CLCN1: variants seen among roughly 807,000 people sequenced by gnomAD.
CLCN1 encodes chloride voltage-gated channel 1.
Under a neutral mutation model 114.5 loss-of-function variants are expected in CLCN1, and 100 were observed. The ratio of observed to expected loss-of-function variants is 0.87; its 90% CI spans 0.74 to 1.03. The LOEUF (loss-of-function observed/expected upper bound fraction) is 1.03. Among genes scored for constraint, CLCN1 ranks in the 50% least tolerant of loss-of-function variants. CLCN1 has a pLI of 0.00. For synonymous variants in CLCN1, 485 were observed against 487.1 expected (o/e 1.00, Z 0.06); for missense variants, 1,188 against 1,250.0 (o/e 0.95, Z 0.75).
intron 12 of CLCN1, 99 bp downstream of exon 12, chr7:143,332,972 G>A: frequency 7.6e-7 from 1 of 1,311,188 alleles, no homozygotes; most frequent in Non-Finnish European, 1.1e-6. Flanking sequence ...ACTTCATTTG[G>A]TCTTCATCCA....
intron 14 of CLCN1, among the ~76,000 whole-genome samples, chr7:143,340,273 T>A (rs1271984381): frequency 6.6e-6 from 1 of 152,190 alleles, no homozygotes; most frequent in Non-Finnish European, 1.5e-5. Flanking sequence ...GCTGCTCCCC[T>A]GACATAGTTT....
intron 10 of CLCN1, among the ~76,000 whole-genome samples, 176 bp downstream of exon 10, chr7:143,331,828 A>AT (rs1554436646): frequency 1.3e-5 from 2 of 151,966 alleles, no homozygotes; most frequent in Non-Finnish European, 1.5e-5. Context: ...TTTAAAGATT[A>AT]TTTTTGTTTT....
Position 143,346,242 on chromosome 7 carries a change from G to A in CLCN1, c.2275G>A (p.Glu759Lys). Residue 759 changes from glutamate (E) to lysine (K), a missense_variant, in exon 18 of 23, where the codon GAG becomes AAG. By Grantham distance (56) the Glu-to-Lys change is moderately conservative (BLOSUM62 1). Transcript: ENST00000343257. ...CCACAAACAGCAGCCGGAAGCACCA[G>A]AGCCTGCAGGTGACGCTCTTCCCTC... ...PGHKQQPEAP[E>K]PAGQRPSIFQ... The A allele has an allele frequency of 6.2e-7, 1 of 1,608,758 alleles. No homozygotes were observed. Among genetic ancestry groups the A allele is most frequent in the Non-Finnish European group, 8.5e-7 (1 of 1,175,560 alleles).
At chr7:143,351,476 T>C (rs1447620672) in intron 22 of CLCN1, 118 bp from the exon 23 acceptor site, 4 of 1,146,562 alleles carry the variant, frequency 3.5e-6, no homozygotes, top group Non-Finnish European at 5.0e-6. Flanking sequence ...TGCCACTCTA[T>C]ATCTTTCCTG....
chr7:143,336,066 A>G (rs923815866), intron 12 of CLCN1, among the ~76,000 whole-genome samples: 2 of 152,184 alleles, frequency 1.3e-5, no homozygotes, highest in African/African-American at 4.8e-5. Context: ...TTTTACAATG[A>G]GTATGAATAC....
intron 2 of CLCN1, 39 bp from the exon 3 acceptor site, chr7:143,320,606 TTTGTTTGTTTGTTTGTTTG>T (rs1261825849): frequency 7.2e-6 from 10 of 1,388,622 alleles, no homozygotes; most frequent in East Asian, 7.0e-5. Context: ...TATATATATT[TTTGTTTGTTTGTTTGTTTG>T]TTGTTTGTTT....
At chr7:143,343,480 CTT>C (rs1286811298) in intron 16 of CLCN1, among the ~76,000 whole-genome samples, 1 of 152,174 alleles carries the variant, frequency 6.6e-6, no homozygotes, top group Non-Finnish European at 1.5e-5. Flanking sequence ...CTTTGTTGCT[CTT>C]TGCATGTTTG....
At chr7:143,341,208 C>T (rs1312458161) in intron 14 of CLCN1, among the ~76,000 whole-genome samples, 3 of 150,854 alleles carry the variant, frequency 2.0e-5, no homozygotes, top group Non-Finnish European at 4.4e-5. Context: ...TAATTGTTGG[C>T]ATTAATACCT....
At chr7:143,332,584 C>A in intron 11 of CLCN1, 81 bp downstream of exon 11, 2 of 1,513,998 alleles carry the variant, frequency 1.3e-6, no homozygotes, top group Non-Finnish European at 1.8e-6. Context: ...TAGTTTTGTC[C>A]AAGGATAGAC....
intron 3 of CLCN1, 140 bp downstream of exon 3, chr7:143,320,935 T>C (rs1802413479): frequency 9.6e-7 from 1 of 1,044,892 alleles, no homozygotes; most frequent in Non-Finnish European, 1.5e-6. Flanking sequence ...CAGGTGGGAC[T>C]CCAGGCCCAG....
At chr7:143,323,802 G>A (rs1307569032) in intron 6 of CLCN1, 14 of 475,890 alleles carry the variant, frequency 2.9e-5, no homozygotes, top group Admixed American at 7.0e-5. Flanking sequence ...CTTGTCCCGC[G>A]TGCTTCTCTG....
intron 14 of CLCN1, among the ~76,000 whole-genome samples, chr7:143,341,057 G>A (rs951651948): frequency 4.6e-5 from 7 of 152,010 alleles, no homozygotes; most frequent in Non-Finnish European, 7.4e-5. Context: ...GACCCCTTTC[G>A]CTTTATAATT....
rs866081645 is a variant in CLCN1 at position 143,338,919 on chromosome 7, A to G, written c.1402-334A>G. 2.0e-5 allele frequency among the ~76,000 whole-genome samples: 3 copies of G among 152,214 alleles called. No homozygotes were observed. In the South Asian group the frequency reaches 6.2e-4, roughly 31 times the overall value. On this transcript the variant is annotated intron_variant, in intron 12 of 22. Transcript: ENST00000343257. ...AAACTTTCTGGACTAAATGGGTACA[A>G]TGGGCTGGGGCTCTTTTGGGGCAGA...
chr7:143,324,983 T>C lies in CLCN1; in HGVS notation c.853+491T>C, dbSNP rs2116843549. ...ATTTAGATTAATGGTAAGCTTTTAG[T>C]GTGGAATAGTTAGGAGAGTTTCAAA... is the stretch of plus-strand genomic sequence containing the variant. On this transcript the variant is annotated intron_variant, in intron 7 of 22. Coordinates refer to ENST00000343257, the MANE Select transcript of CLCN1 (RefSeq NM_000083.3). This position sits in a 1 kb window ranked among gnomAD's most constrained non-coding sequence, Gnocchi z 4.6. Among the ~76,000 whole-genome samples, 1 of 152,324 alleles carries C rather than the reference T, an allele frequency of 6.6e-6. No individual in the cohort carries two copies.
intron 20 of CLCN1, among the ~76,000 whole-genome samples, chr7:143,347,627 A>G (rs1803288525): frequency 1.1e-5 from 1 of 87,218 alleles, no homozygotes; most frequent in Non-Finnish European, 2.5e-5. Flanking sequence ...CCTCAAAAAA[A>G]AAAAAAAAAA....
In CLCN1 at chr7:143,351,667, C is replaced by T. The variant is rs756135571; in HGVS notation, c.2669C>T (p.Thr890Met). ...CCTCCCCTTGCCAGCTTCCGGAACA[C>T]GACTTCAACTCGAAAGAGTACCGGG... ...LRPPLASFRN[T>M]TSTRKSTGAP... The change falls in exon 23 of 23, where the codon ACG (threonine) becomes ATG (methionine). Residue 890 changes from threonine to methionine, a missense_variant. Physicochemically the swap from Thr to Met is moderately conservative, Grantham distance 81 (BLOSUM62 -1). Coordinates refer to ENST00000343257, the MANE Select transcript of CLCN1 (RefSeq NM_000083.3). 6.8e-6 allele frequency: 11 copies of T among 1,614,200 alleles called. No individual in the cohort carries two copies. Among genetic ancestry groups the T allele is most frequent in the South Asian group, 3.3e-5 (3 of 91,084 alleles).
intron 19 of CLCN1, 58 bp downstream of exon 19, chr7:143,346,716 G>A: frequency 7.0e-7 from 1 of 1,430,430 alleles, no homozygotes. Context: ...TGAAGAGTGA[G>A]AAACCCACGG....
At chr7:143,342,254 A>G (rs970856473) in intron 15 of CLCN1, 112 bp downstream of exon 15, 8 of 1,475,672 alleles carry the variant, frequency 5.4e-6, no homozygotes, top group African/African-American at 1.4e-5. Flanking sequence ...AATTATTATT[A>G]TATTCTCATG....
Position 143,346,187 on chromosome 7 carries a change from C to T in CLCN1, c.2220C>T (p.Ser740=), listed in dbSNP as rs1803238698. The change falls in exon 18 of 23, where the codon TCC becomes TCT. Residue 740 remains serine (S), a synonymous_variant. Coordinates refer to ENST00000343257, the MANE Select transcript of CLCN1 (RefSeq NM_000083.3). ...ACCCCTCTACTACTGCCCCTCTGTC[C>T]CCAGAAGAGCCCAATGGGCCTCTGC... ...ALHPSTTAPL[S]PEEPNGPLPG... 2 of 1,613,772 alleles carry T rather than the reference C, an allele frequency of 1.2e-6. No individual in the cohort carries two copies. The highest frequency in any genetic ancestry group is 1.3e-5 in the African/African-American group (1 of 74,982).
Sources: allele counts gnomAD v4.1 joint callset (sites outside exome capture counted in the v4.1 genomes callset), GRCh38; gene constraint gnomAD v4.1.1; non-coding constraint Gnocchi (gnomAD v3.1); transcripts MANE v1.5; gene names NCBI Gene and HGNC (gene_info 2026-07-23, HGNC 2026-07-21).